LCLAT1: variants seen among roughly 807,000 people sequenced by gnomAD.
LCLAT1 encodes lysocardiolipin acyltransferase 1.
In LCLAT1, 11 loss-of-function variants were observed where a neutral mutation model predicts 30.7. That is an observed-to-expected ratio of 0.36 (90% CI 0.23 to 0.59). The LOEUF (loss-of-function observed/expected upper bound fraction) is 0.59. LCLAT1 is among the 20% of genes least tolerant of loss of function. LCLAT1 has a pLI of 0.77. For synonymous variants in LCLAT1, 155 were observed against 151.3 expected, an observed-to-expected ratio of 1.02 and a Z score of -0.18; for missense variants, 402 against 458.6, an observed-to-expected ratio of 0.88 and a Z score of 1.13.
chr2:30,498,828 TA>T (rs1293531855), intron 1 of LCLAT1, among the ~76,000 whole-genome samples: 2 of 152,244 alleles, frequency 1.3e-5, no homozygotes, highest in Non-Finnish European at 2.9e-5. Context: ...TACTCATTTT[TA>T]ATGCAACCAA....
chr2:30,557,524 C>T (rs1664983169), intron 3 of LCLAT1, among the ~76,000 whole-genome samples: 1 of 151,970 alleles, frequency 6.6e-6, no homozygotes, highest in Admixed American at 6.6e-5. Context: ...AAGTGATTCT[C>T]CTGCCTCAGC....
intron 5 of LCLAT1, among the ~76,000 whole-genome samples, chr2:30,581,335 T>C (rs1178355245): frequency 6.6e-6 from 1 of 152,224 alleles, no homozygotes; most frequent in Non-Finnish European, 1.5e-5. Flanking sequence ...TTTCTTGATC[T>C]CTTCAGCTGG....
chr2:30,611,014 C>T (rs17009877), intron 5 of LCLAT1, among the ~76,000 whole-genome samples: 1,537 of 149,154 alleles, frequency 0.01, 21 homozygotes, highest in African/African-American at 0.036. Flanking sequence ...CTTCCTTGAT[C>T]ATCTTTCCCC....
chr2:30,453,827 A>T (rs1039540587), intron 1 of LCLAT1, among the ~76,000 whole-genome samples: 1 of 152,216 alleles, frequency 6.6e-6, no homozygotes, highest in Non-Finnish European at 1.5e-5. Flanking sequence ...TGCCAGGTGT[A>T]TACTGAGTTC....
At chr2:30,574,252 A>C (rs1332316583) in intron 5 of LCLAT1, among the ~76,000 whole-genome samples, 1 of 152,174 alleles carries the variant, frequency 6.6e-6, no homozygotes, top group East Asian at 1.9e-4. Context: ...TACATTACAA[A>C]ACATGTTATA....
At chr2:30,582,065 C>A (rs1416918067) in intron 5 of LCLAT1, among the ~76,000 whole-genome samples, 2 of 152,086 alleles carry the variant, frequency 1.3e-5, no homozygotes, top group Non-Finnish European at 2.9e-5. Context: ...AGAATAATCA[C>A]TTAATTAGAA....
At chr2:30,581,158 C>G (rs1169734076) in intron 5 of LCLAT1, among the ~76,000 whole-genome samples, 2 of 152,176 alleles carry the variant, frequency 1.3e-5, no homozygotes, top group African/African-American at 4.8e-5. Flanking sequence ...TCTCAAACCT[C>G]AGACTACAGA....
intron 5 of LCLAT1, among the ~76,000 whole-genome samples, chr2:30,615,585 C>T (rs1667957157): frequency 6.6e-6 from 1 of 152,118 alleles, no homozygotes; most frequent in Non-Finnish European, 1.5e-5. Context: ...CCTTCATTCC[C>T]TGCCGAAAAA....
rs115800590 is a variant in LCLAT1, at chr2:30,625,379, C to A, written c.629-14738C>A. On this transcript the variant is annotated intron_variant, in intron 5 of 5. Transcript: ENST00000379509. ...TGAAGAGAGAAGATCCAAATAAGCTCAGTTAGAAATGAAATGAGAGCTATT... is the reference window on the plus strand; with the variant it reads ...TGAAGAGAGAAGATCCAAATAAGCTAAGTTAGAAATGAAATGAGAGCTATT... Among the ~76,000 whole-genome samples, 1,010 of 152,220 alleles carry A rather than the reference C, an allele frequency of 6.6e-3. 11 individuals carry two copies. The highest frequency in any genetic ancestry group is 0.023 in the African/African-American group (959 of 41,522).
chr2:30,570,109 C>T (rs1558527089), intron 5 of LCLAT1, among the ~76,000 whole-genome samples: 1 of 152,086 alleles, frequency 6.6e-6, no homozygotes, highest in African/African-American at 2.4e-5. Context: ...ATAGAGCTCT[C>T]TTTTGAAATC....
At chr2:30,455,170 TA>T (rs576105315) in intron 1 of LCLAT1, among the ~76,000 whole-genome samples, 53 of 152,286 alleles carry the variant, frequency 3.5e-4, no homozygotes, top group Non-Finnish European at 6.0e-4. Flanking sequence ...TCTTTAACTG[TA>T]AAAAAATTTA....
At chr2:30,538,962 CT>C (rs745791329) in intron 3 of LCLAT1, among the ~76,000 whole-genome samples, 202 of 141,442 alleles carry the variant, frequency 1.4e-3, no homozygotes, top group Admixed American at 1.8e-3. Flanking sequence ...CCCCCAACCT[CT>C]TTTTTTTTTT....
chr2:30,449,812 T>A (rs975335313), intron 1 of LCLAT1, among the ~76,000 whole-genome samples: 2 of 152,244 alleles, frequency 1.3e-5, no homozygotes, highest in African/African-American at 4.8e-5. Flanking sequence ...TTATGACTAA[T>A]TTCTATCAGG....
intron 1 of LCLAT1, among the ~76,000 whole-genome samples, chr2:30,463,141 A>G (rs1425364369): frequency 1.3e-5 from 2 of 151,940 alleles, no homozygotes; most frequent in African/African-American, 2.4e-5. Context: ...AGTAATATTT[A>G]TACATTTATA....
intron 3 of LCLAT1, among the ~76,000 whole-genome samples, chr2:30,543,470 C>T (rs994649695): frequency 1.3e-5 from 2 of 151,998 alleles, no homozygotes; most frequent in East Asian, 1.9e-4. Flanking sequence ...TCTCTCCTTG[C>T]GTGTTTTCTG....
chr2:30,469,450 A>G (rs1348089950), intron 1 of LCLAT1, among the ~76,000 whole-genome samples: 3 of 151,794 alleles, frequency 2.0e-5, no homozygotes, highest in East Asian at 3.9e-4. Context: ...ATCCAGTAGT[A>G]TCATTTGTTA....
intron 1 of LCLAT1, among the ~76,000 whole-genome samples, chr2:30,503,192 G>A (rs1192070285): frequency 1.3e-5 from 2 of 152,154 alleles, no homozygotes; most frequent in East Asian, 1.9e-4. Flanking sequence ...TATGCTAATG[G>A]ACAATGGGGG....
chr2:30,618,895 T>C (rs956123746), intron 5 of LCLAT1, among the ~76,000 whole-genome samples: 16 of 152,164 alleles, frequency 1.1e-4, no homozygotes, highest in Non-Finnish European at 1.0e-4. Flanking sequence ...TTTTAATCTG[T>C]ATGCCCTTTT....
rs765630992 is a variant in LCLAT1 at position 30,492,947 on chromosome 2, CTT to C, written c.-4-32636_-4-32635del. 7.2e-5 allele frequency among the ~76,000 whole-genome samples: 11 copies of C among 152,062 alleles called. No individual in the cohort carries two copies. The East Asian group carries it at 2.1e-3, about 29-fold the overall frequency. On this transcript the variant is annotated intron_variant, in intron 1 of 5. Coordinates refer to ENST00000379509, the MANE Select transcript of LCLAT1 (RefSeq NM_001002257.3). The stretch of plus-strand genomic sequence containing the variant: ...TTTTTGGGGCACACTAAAATTAGCC[CTT>C]TTTAAAAAAGCTCTGGCTTATTTTG...
Sources: allele counts gnomAD v4.1 joint callset (sites outside exome capture counted in the v4.1 genomes callset), GRCh38; gene constraint gnomAD v4.1.1; transcripts MANE v1.5; gene names NCBI Gene and HGNC (gene_info 2026-07-23, HGNC 2026-07-21).